Variants in SLC2A13 observed in about 807,000 individuals in gnomAD.
The protein encoded by SLC2A13 is proton myo-inositol cotransporter.
SLC2A13 carries 32 observed loss-of-function variants against 64.4 expected under a neutral mutation model. The ratio of observed to expected loss-of-function variants is 0.50; its 90% CI spans 0.37 to 0.67. The LOEUF (loss-of-function observed/expected upper bound fraction) is 0.67. SLC2A13 is among the 30% of genes least tolerant of loss of function. The pLI is 0.00. For missense variants in SLC2A13, 743 were observed against 829.2 expected (o/e 0.90, Z 1.28); for synonymous variants, 338 against 327.1 (o/e 1.03, Z -0.36).
At chr12:39,971,677 G>A (rs1946647831) in intron 3 of SLC2A13, among the ~76,000 whole-genome samples, 1 of 151,864 alleles carries the variant, frequency 6.6e-6, no homozygotes, top group South Asian at 2.1e-4. Context: ...ATGCCTACAA[G>A]AAAAAATAAA....
intron 1 of SLC2A13, among the ~76,000 whole-genome samples, chr12:40,084,930 T>C (rs1031457467): frequency 6.6e-6 from 1 of 152,124 alleles, no homozygotes; most frequent in Non-Finnish European, 1.5e-5. Flanking sequence ...CAGGATTAGA[T>C]GGTTGGGACC....
intron 7 of SLC2A13, among the ~76,000 whole-genome samples, chr12:39,788,935 T>C (rs772920518): frequency 6.6e-6 from 1 of 152,170 alleles, no homozygotes; most frequent in Non-Finnish European, 1.5e-5. Context: ...CTAATACGTA[T>C]TTAAAAATCT....
intron 3 of SLC2A13, among the ~76,000 whole-genome samples, chr12:40,009,991 A>G (rs542839814): frequency 6.6e-6 from 1 of 152,374 alleles, no homozygotes; most frequent in Non-Finnish European, 1.5e-5. Context: ...CAATTCTGGT[A>G]ATATTTATAC....
chr12:39,883,235 G>C (rs1410464913), intron 4 of SLC2A13, among the ~76,000 whole-genome samples: 1 of 152,032 alleles, frequency 6.6e-6, no homozygotes, highest in Non-Finnish European at 1.5e-5. Context: ...AAAGTCCCTG[G>C]AGTAGGATGT....
intron 3 of SLC2A13, among the ~76,000 whole-genome samples, chr12:39,956,669 G>A (rs1333435200): frequency 6.6e-6 from 1 of 152,178 alleles, no homozygotes; most frequent in African/African-American, 2.4e-5. Context: ...TCTGCTGTGA[G>A]ACTGCTGAAA....
chr12:39,940,606 T>TA (rs1178304345), intron 4 of SLC2A13, among the ~76,000 whole-genome samples: 5 of 152,286 alleles, frequency 3.3e-5, no homozygotes, highest in Admixed American at 3.3e-4. Context: ...CCAGAAAACT[T>TA]AAGAACCTGA....
At chr12:39,900,428 T>A (rs1244908477) in intron 4 of SLC2A13, among the ~76,000 whole-genome samples, 1 of 152,080 alleles carries the variant, frequency 6.6e-6, no homozygotes, top group East Asian at 1.9e-4. Context: ...TGATCGTATA[T>A]CTAGAAAACC....
chr12:40,039,119 T>C (rs1682844219), intron 2 of SLC2A13, among the ~76,000 whole-genome samples: 1 of 152,212 alleles, frequency 6.6e-6, no homozygotes, highest in African/African-American at 2.4e-5. Context: ...GCTATCTTAT[T>C]AGATAAACTA....
chr12:39,765,532 A>G (rs1005420870), intron 7 of SLC2A13, among the ~76,000 whole-genome samples: 1 of 151,884 alleles, frequency 6.6e-6, no homozygotes, highest in African/African-American at 2.4e-5. Context: ...CCTATCCCCT[A>G]TTGTCAATTT....
intron 1 of SLC2A13, among the ~76,000 whole-genome samples, chr12:40,089,681 T>C (rs911926672): frequency 2.6e-5 from 4 of 152,220 alleles, no homozygotes; most frequent in Admixed American, 1.3e-4. Context: ...TGTCTCACTG[T>C]TGGTCAGCTC....
At chr12:39,896,505 T>C (rs147027107) in intron 4 of SLC2A13, among the ~76,000 whole-genome samples, 1,870 of 146,704 alleles carry the variant, frequency 0.013, 68 homozygotes, top group African/African-American at 0.043. Flanking sequence ...CATATATGTA[T>C]GTACATGTGT....
Position 40,019,018 on chromosome 12 carries a change from G to A in SLC2A13, c.925+9283C>T, listed in dbSNP as rs28370780. Among the ~76,000 whole-genome samples the A allele has an allele frequency of 9.4e-3, 1,432 of 152,286 alleles. 16 individuals are homozygous for A. Among genetic ancestry groups the A allele is most frequent in the African/African-American group, 0.032 (1,342 of 41,556 alleles). The stretch of plus-strand genomic sequence containing the variant: ...ATGTTTCTGAAGAGGAGAGGGACAT[G>A]ATCCTGTCTGTGTGTTGCAATGATA... On this transcript the variant is annotated intron_variant, in intron 3 of 9. Transcript: ENST00000280871.
At chr12:39,910,374 C>A (rs767341586) in intron 4 of SLC2A13, among the ~76,000 whole-genome samples, 1 of 152,052 alleles carries the variant, frequency 6.6e-6, no homozygotes, top group Non-Finnish European at 1.5e-5. Context: ...AAAGTTAATA[C>A]TTGGAGAAAA....
At chr12:39,821,817 T>C (rs111335267) in intron 7 of SLC2A13, among the ~76,000 whole-genome samples, 1,937 of 152,222 alleles carry the variant, frequency 0.013, 41 homozygotes, top group African/African-American at 0.043. Context: ...ATACAATCCT[T>C]CCCTTGGGAG....
At chr12:39,920,751 G>A (rs971234471) in intron 4 of SLC2A13, among the ~76,000 whole-genome samples, 1 of 151,954 alleles carries the variant, frequency 6.6e-6, no homozygotes, top group African/African-American at 2.4e-5. Flanking sequence ...CCACATAAAG[G>A]TATTGTGAGG....
intron 3 of SLC2A13, among the ~76,000 whole-genome samples, chr12:39,961,711 G>T (rs2136115001): frequency 6.6e-6 from 1 of 151,640 alleles, no homozygotes; most frequent in East Asian, 2.0e-4. Flanking sequence ...ATGTTGCCCA[G>T]GCTGGTCTCA....
At chr12:39,762,445 G>GC (rs1197096585) in intron 9 of SLC2A13, among the ~76,000 whole-genome samples, 2 of 122,334 alleles carry the variant, frequency 1.6e-5, no homozygotes, top group Admixed American at 8.6e-5. Flanking sequence ...TTGACATAAT[G>GC]CCCCCCAAGG....
chr12:39,906,296 G>A (rs1945279328), intron 4 of SLC2A13, among the ~76,000 whole-genome samples: 1 of 152,116 alleles, frequency 6.6e-6, no homozygotes, highest in South Asian at 2.1e-4. Flanking sequence ...ATCACTGTGT[G>A]AATAACTAGA....
chr12:39,981,625 GGAA>G (rs1946902379), intron 3 of SLC2A13, among the ~76,000 whole-genome samples: 1 of 151,812 alleles, frequency 6.6e-6, no homozygotes, highest in Non-Finnish European at 1.5e-5. Flanking sequence ...GACTAAACCA[GGAA>G]GAAGTTGAAT....
Sources: gnomAD v4.1 joint callset for allele counts (sites outside exome capture counted in the v4.1 genomes callset) on GRCh38, gnomAD v4.1.1 for gene constraint, MANE v1.5 for transcripts, NCBI Gene and HGNC (gene_info 2026-07-23, HGNC 2026-07-21) for gene names.